Variants in IQSEC1 observed in about 807,000 individuals in gnomAD.
IQSEC1 encodes the protein IQ motif and Sec7 domain ArfGEF 1, also known as IQ motif and SEC7 domain-containing protein 1.
IQSEC1 carries 31 observed loss-of-function variants against 91.0 expected under a neutral mutation model. That is an observed-to-expected ratio of 0.34 (90% CI 0.26 to 0.46). The LOEUF is 0.46. Ranked by LOEUF, IQSEC1 falls within the 20% of genes least tolerant of loss-of-function variation. The pLI is 1.00. For synonymous variants in IQSEC1, 699 were observed against 662.6 expected, an observed-to-expected ratio of 1.05 and a Z score of -0.84; for missense variants, 1,388 against 1,575.6, an observed-to-expected ratio of 0.88 and a Z score of 2.02.
chr3:13,197,626 C>T (rs1694158705), intron 1 of IQSEC1, among the ~76,000 whole-genome samples: 1 of 152,224 alleles, frequency 6.6e-6, no homozygotes, highest in South Asian at 2.1e-4. Context: ...GCCCTGATAA[C>T]TTCACGGCCG....
chr3:13,145,281 G>A (rs774205636), intron 2 of IQSEC1, among the ~76,000 whole-genome samples: 5 of 152,066 alleles, frequency 3.3e-5, no homozygotes, highest in African/African-American at 7.2e-5. Flanking sequence ...GAGCAGCCCC[G>A]GGCTTGGCTG....
intron 1 of IQSEC1, among the ~76,000 whole-genome samples, chr3:13,029,271 CT>C (rs1703749344): frequency 1.3e-5 from 2 of 152,160 alleles, no homozygotes; most frequent in South Asian, 4.1e-4. Context: ...TCATTTAATG[CT>C]TAGGCTCATC....
chr3:13,265,689 C>T (rs1290559682), intron 1 of IQSEC1, among the ~76,000 whole-genome samples: 1 of 152,098 alleles, frequency 6.6e-6, no homozygotes, highest in Non-Finnish European at 1.5e-5. Flanking sequence ...GCTGCCTAAG[C>T]CCCAGCCATC....
At chr3:12,939,175 C>T (rs367572788) in intron 2 of IQSEC1, among the ~76,000 whole-genome samples, 7 of 152,160 alleles carry the variant, frequency 4.6e-5, no homozygotes, top group South Asian at 4.1e-4. Flanking sequence ...GGAGGGAAGA[C>T]GCTCAGCGGA....
At chr3:13,102,681 G>A (rs1706085525) in intron 2 of IQSEC1, among the ~76,000 whole-genome samples, 1 of 152,114 alleles carries the variant, frequency 6.6e-6, no homozygotes, top group Non-Finnish European at 1.5e-5. Context: ...ACTGTCAACT[G>A]CAGGCCACAG....
rs774240447 is a variant in IQSEC1 at position 13,004,353 on chromosome 3, T to G, written c.24-62488A>C. On this transcript the variant is annotated intron_variant, in intron 1 of 13. Coordinates refer to ENST00000613206, the MANE Select transcript of IQSEC1 (RefSeq NM_001134382.3). Reference sequence around the variant, plus strand: ...AGGGTAATCAGCTGTGAAGCAGAGATGATCAAATCCCTGCCCTCAGGTGTT... The same window carrying G: ...AGGGTAATCAGCTGTGAAGCAGAGAGGATCAAATCCCTGCCCTCAGGTGTT... Among the ~76,000 whole-genome samples, 7 of 152,200 alleles carry G rather than the reference T, an allele frequency of 4.6e-5. No homozygotes were observed. The South Asian group carries it at 6.2e-4, about 13-fold the overall frequency.
intron 2 of IQSEC1, among the ~76,000 whole-genome samples, chr3:13,122,287 CG>C (rs1559259489): frequency 6.6e-6 from 1 of 152,230 alleles, no homozygotes; most frequent in Admixed American, 6.5e-5. Context: ...TGCAAAGGCC[CG>C]GGACAGGGAG....
chr3:13,070,774 C>T (rs1299532525), intron 1 of IQSEC1, among the ~76,000 whole-genome samples: 1 of 152,192 alleles, frequency 6.6e-6, no homozygotes, highest in Non-Finnish European at 1.5e-5. Flanking sequence ...AGTGAAAAGA[C>T]CCACAGAAAA....
At chr3:13,262,590 G>A (rs534600544) in intron 1 of IQSEC1, among the ~76,000 whole-genome samples, 1 of 152,282 alleles carries the variant, frequency 6.6e-6, no homozygotes, top group Non-Finnish European at 1.5e-5. Context: ...CTGAAAGCAG[G>A]GTCTTGAAGA....
At chr3:13,152,742 G>A (rs1346465122) in intron 2 of IQSEC1, among the ~76,000 whole-genome samples, 1 of 152,058 alleles carries the variant, frequency 6.6e-6, no homozygotes, top group Non-Finnish European at 1.5e-5. Context: ...GCGGTGGCTG[G>A]CGCCGTAATC....
At chr3:12,951,105 T>A (rs912284931) in intron 1 of IQSEC1, among the ~76,000 whole-genome samples, 2 of 152,126 alleles carry the variant, frequency 1.3e-5, no homozygotes, top group African/African-American at 2.4e-5. Flanking sequence ...AACAAGACCC[T>A]GCCTCTAAAA....
intron 1 of IQSEC1, among the ~76,000 whole-genome samples, chr3:13,233,101 G>A (rs1398365855): frequency 6.6e-6 from 1 of 152,184 alleles, no homozygotes; most frequent in African/African-American, 2.4e-5. Flanking sequence ...ACCGCAATGT[G>A]CACTTAAAAA....
At chr3:12,911,781 T>G (rs1695584165) in intron 9 of IQSEC1, 53 bp from the exon 10 acceptor site, 1 of 1,227,608 alleles carries the variant, frequency 8.1e-7, no homozygotes, top group African/African-American at 1.5e-5. Context: ...GGGCACTGAC[T>G]ATGTGGGACC....
At chr3:13,162,684 G>A (rs1045271808) in intron 2 of IQSEC1, among the ~76,000 whole-genome samples, 1 of 152,182 alleles carries the variant, frequency 6.6e-6, no homozygotes, top group African/African-American at 2.4e-5. Flanking sequence ...AGTAGTGTGA[G>A]ATGTGTACTC....
At chr3:13,085,123 TCTC>T (rs1252051008) in intron 2 of IQSEC1, among the ~76,000 whole-genome samples, 1 of 151,994 alleles carries the variant, frequency 6.6e-6, no homozygotes, top group African/African-American at 2.4e-5. Flanking sequence ...TATTACGACA[TCTC>T]CTCGGATGCC....
intron 1 of IQSEC1, among the ~76,000 whole-genome samples, chr3:13,192,412 A>G (rs1162459022): frequency 6.6e-6 from 1 of 151,936 alleles, no homozygotes; most frequent in African/African-American, 2.4e-5. Flanking sequence ...GGCACACTGG[A>G]GTAGGGGTCC....
intron 1 of IQSEC1, among the ~76,000 whole-genome samples, chr3:13,220,979 T>C (rs1332963638): frequency 6.6e-6 from 1 of 152,232 alleles, no homozygotes; most frequent in Non-Finnish European, 1.5e-5. Flanking sequence ...GCCTCATCCA[T>C]GGTTGGGGAA....
chr3:13,212,409 G>A (rs1437481909), intron 1 of IQSEC1, among the ~76,000 whole-genome samples: 2 of 152,212 alleles, frequency 1.3e-5, no homozygotes, highest in Non-Finnish European at 2.9e-5. Context: ...AGACCACAGT[G>A]TGTTCATTCA....
chr3:13,197,795 G>A (rs1315230740), intron 1 of IQSEC1, among the ~76,000 whole-genome samples: 1 of 152,246 alleles, frequency 6.6e-6, no homozygotes, highest in Non-Finnish European at 1.5e-5. Flanking sequence ...GGCCAAGGAA[G>A]ATAGTCAAGG....
Sources: gnomAD v4.1 joint callset for allele counts (sites outside exome capture counted in the v4.1 genomes callset) on GRCh38, gnomAD v4.1.1 for gene constraint, MANE v1.5 for transcripts, NCBI Gene and HGNC (gene_info 2026-07-23, HGNC 2026-07-21) for gene names.